Variants in SMARCA2 observed in about 807,000 individuals in gnomAD.
SMARCA2 encodes the protein SWI/SNF-related matrix-associated actin-dependent regulator of chromatin subfamily A member 2.
In SMARCA2, 61 loss-of-function variants were observed where a neutral mutation model predicts 199.8. That is an observed-to-expected ratio of 0.31 (90% confidence interval 0.25 to 0.38). The LOEUF (loss-of-function observed/expected upper bound fraction) is 0.38. SMARCA2 is among the 10% of genes least tolerant of loss of function. The pLI is 1.00. For synonymous variants in SMARCA2, 935 were observed against 732.0 expected (o/e 1.28, Z -4.48); for missense variants, 1,344 against 2,012.2 (o/e 0.67, Z 6.35).
intron 14 of SMARCA2, chr9:2,079,921 T>C (rs1821492010): frequency 6.6e-6 from 1 of 152,280 alleles, no homozygotes; most frequent in Non-Finnish European, 1.5e-5. Flanking sequence ...TCGACTTCCA[T>C]ATGTGAGTTT....
At chr9:2,020,234 G>T (rs1036049569) in intron 1 of SMARCA2, among the ~76,000 whole-genome samples, 1 of 152,152 alleles carries the variant, frequency 6.6e-6, no homozygotes, top group Admixed American at 6.5e-5. Context: ...CCTTTTTAAT[G>T]TAAAAGAATT....
chr9:2,186,958 C>T (rs959363363), intron 32 of SMARCA2, among the ~76,000 whole-genome samples: 1 of 152,252 alleles, frequency 6.6e-6, no homozygotes, highest in East Asian at 1.9e-4. Context: ...AAGAATATGC[C>T]AGTGTTTGAT....
At chr9:2,037,181 C>T (rs1024496715) in intron 3 of SMARCA2, among the ~76,000 whole-genome samples, 6 of 152,094 alleles carry the variant, frequency 3.9e-5, no homozygotes, top group African/African-American at 1.4e-4. Context: ...TAATGTAAGC[C>T]TTCTTAAAGA....
rs138496304 is a variant in SMARCA2 at position 2,158,813 on chromosome 9, G to A, written c.3982-2873G>A. ...TTACTCTACTCTTTATGTGCGAAAA[G>A]CATTGGGAAGTGTTTAGTGAATTGA... On this transcript the variant is annotated intron_variant, in intron 27 of 33. Coordinates refer to ENST00000349721, the MANE Select transcript of SMARCA2 (RefSeq NM_003070.5). 2.5e-3 allele frequency: 1,885 copies of A among 740,476 alleles called. 8 individuals carry two copies. The highest frequency in any genetic ancestry group is 0.018 in the Middle Eastern group (71 of 3,944). 45.9% of individuals were successfully genotyped at this position (740,476 alleles called of 1,614,324 possible).
intron 12 of SMARCA2, among the ~76,000 whole-genome samples, chr9:2,074,274 A>C (rs1327933955): frequency 6.6e-6 from 1 of 151,538 alleles, no homozygotes; most frequent in Non-Finnish European, 1.5e-5. Context: ...TAAATCAGCC[A>C]CAAAATGTTT....
At chr9:2,080,593 T>C (rs962925384) in intron 14 of SMARCA2, among the ~76,000 whole-genome samples, 1 of 152,334 alleles carries the variant, frequency 6.6e-6, no homozygotes, top group East Asian at 1.9e-4. Context: ...TAATTTCCCC[T>C]CTTTCCCTCT....
In SMARCA2 at chr9:2,101,650, A is replaced by G. The variant is rs777372216; in HGVS notation, c.3125+34A>G. ...CAAATTTTTTTTTCTTTTAAAAAAA[A>G]ATGTTGTTGGCCTTACATAAACTCC... On this transcript the variant is annotated intron_variant, in intron 22 of 33. Transcript: ENST00000349721. 1.5e-5 allele frequency: 18 copies of G among 1,181,744 alleles called. No individual in the cohort carries two copies. The South Asian group carries it at 2.1e-4, about 14-fold the overall frequency. The allele number at this position is 1,181,744 out of a possible 1,614,324, so 73.2% of individuals were successfully genotyped here.
At chr9:2,142,321 G>A (rs1824502692) in intron 27 of SMARCA2, among the ~76,000 whole-genome samples, 1 of 152,218 alleles carries the variant, frequency 6.6e-6, no homozygotes, top group South Asian at 2.1e-4. Flanking sequence ...AATAGAAAGG[G>A]TAGAGGAAAG....
At chr9:2,107,403 C>T (rs755221570) in intron 23 of SMARCA2, among the ~76,000 whole-genome samples, 17 of 152,300 alleles carry the variant, frequency 1.1e-4, no homozygotes, top group Admixed American at 6.5e-4. Context: ...CTGCAACCTC[C>T]GCCTCCTGGG....
At chr9:2,036,178 GTGTGTGTGTGTGTGTGTGTGTGTGTT>G (rs1379552790) in intron 3 of SMARCA2, among the ~76,000 whole-genome samples, 2 of 128,406 alleles carry the variant, frequency 1.6e-5, no homozygotes, top group Middle Eastern at 4.1e-3. Flanking sequence ...TATTTAAATA[GTGTGTGTGTGTGTGTGTGTGTGTGTT>G]TGTATGTGTG....
In SMARCA2 at chr9:2,192,890, T is replaced by C; in HGVS notation, c.*151T>C. On this transcript the variant is annotated 3_prime_UTR_variant, in exon 34 of 34. Coordinates refer to ENST00000349721, the MANE Select transcript of SMARCA2 (RefSeq NM_003070.5). ...TTTAGGATAGTGCCAGACAAACATA[T>C]GATATCATGGTGTAAAAAACACACA... The C allele has an allele frequency of 1.5e-6, 1 of 645,230 alleles. No homozygotes were observed. 40.0% of individuals were successfully genotyped at this position (645,230 alleles called of 1,614,324 possible).
At position 2,185,696 on chromosome 9, in the gene SMARCA2, T is replaced by C. The variant is rs181053581; in HGVS notation, c.4462-400T>C. On this transcript the variant is annotated intron_variant, in intron 31 of 33. Coordinates refer to ENST00000349721, the MANE Select transcript of SMARCA2 (RefSeq NM_003070.5). ...TGTTGGCTGCTACTGATAAACTCAG[T>C]AATAAGGAATAGCCCCCACTTGCTA... Among the ~76,000 whole-genome samples the C allele has an allele frequency of 4.7e-3, 712 of 152,300 alleles. 4 individuals carry two copies. The highest frequency in any genetic ancestry group is 0.017 in the African/African-American group (690 of 41,546).
At chr9:2,050,353 C>T (rs1415903690) in intron 5 of SMARCA2, among the ~76,000 whole-genome samples, 1 of 150,922 alleles carries the variant, frequency 6.6e-6, no homozygotes, top group East Asian at 1.9e-4. Context: ...CTTTTTGGCA[C>T]ACTTTTGATG....
At chr9:2,167,253 C>T (rs918405368) in intron 28 of SMARCA2, among the ~76,000 whole-genome samples, 1 of 152,224 alleles carries the variant, frequency 6.6e-6, no homozygotes, top group African/African-American at 2.4e-5. Context: ...TATCAACTCT[C>T]TTATCAGGAG....
intron 27 of SMARCA2, among the ~76,000 whole-genome samples, chr9:2,130,797 T>C (rs1223856971): frequency 1.3e-5 from 2 of 152,202 alleles, no homozygotes; most frequent in Non-Finnish European, 2.9e-5. Flanking sequence ...AAACATATAT[T>C]TGCTTCTTTA....
intron 29 of SMARCA2, among the ~76,000 whole-genome samples, chr9:2,176,368 G>C (rs1483465324): frequency 6.6e-6 from 1 of 152,030 alleles, no homozygotes; most frequent in East Asian, 1.9e-4. Context: ...TTTCAGCCCA[G>C]AGTAGATTAC....
Position 2,157,933 on chromosome 9 carries a change from G to A in SMARCA2, c.3982-3753G>A, listed in dbSNP as rs150075391. 831 of 398,416 alleles carry A rather than the reference G, an allele frequency of 2.1e-3. 10 individuals carry two copies. Among genetic ancestry groups the A allele is most frequent in the African/African-American group, 0.016 (761 of 48,676 alleles). The allele number at this position is 398,416 out of a possible 1,614,324, so 24.7% of individuals were successfully genotyped here. ...AGGGCCACGACTGGACCCACGTGTG[G>A]CTGCTTCCCGGGTCTGCCATGTGCT... On this transcript the variant is annotated intron_variant, in intron 27 of 33. Transcript: ENST00000349721.
Position 2,192,708 on chromosome 9 carries a change from A to G in SMARCA2, c.4742A>G (p.Gln1581Arg). The G allele has an allele frequency of 5.6e-6, 9 of 1,605,988 alleles. No homozygotes were observed. In the South Asian group the frequency reaches 8.8e-5, roughly 16 times the overall value. Residue 1581 changes from glutamine (Q) to arginine (R), a missense_variant, in exon 34 of 34, where the codon CAG (glutamine) becomes CGG (arginine). Transcript: ENST00000349721. ...DSDEEQDERE[Q>R]SEGSGTDDE ...TCTTCTTATTTTTACTTTTAGGAAC[A>G]GTCAGAAGGAAGTGGGACGGATGAT...
chr9:2,064,374 G>A (rs943314996), intron 9 of SMARCA2, among the ~76,000 whole-genome samples: 1 of 152,338 alleles, frequency 6.6e-6, no homozygotes, highest in South Asian at 2.1e-4. Flanking sequence ...CTACCCCATA[G>A]ATTTGTAGTG....
Sources: gnomAD v4.1 joint callset for allele counts (sites outside exome capture counted in the v4.1 genomes callset) on GRCh38, gnomAD v4.1.1 for gene constraint, MANE v1.5 for transcripts, NCBI Gene and HGNC (gene_info 2026-07-23, HGNC 2026-07-21) for gene names.